SCYL1: variants seen among roughly 807,000 people sequenced by gnomAD.
The protein encoded by SCYL1 is SCY1 like pseudokinase 1.
SCYL1 carries 85 observed loss-of-function variants against 94.8 expected under a neutral mutation model. The ratio of observed to expected loss-of-function variants is 0.90; its 90% CI spans 0.75 to 1.07. SCYL1 has a LOEUF of 1.07. SCYL1 is among the 50% of genes least tolerant of loss of function. The pLI is 0.00. For synonymous variants in SCYL1, 459 were observed against 435.5 expected (o/e 1.05, Z -0.67); for missense variants, 968 against 1,083.3 (o/e 0.89, Z 1.49).
intron 6 of SCYL1, among the ~76,000 whole-genome samples, chr11:65,530,380 G>A (rs764618395): frequency 2.0e-5 from 3 of 152,182 alleles, no homozygotes; most frequent in Non-Finnish European, 2.9e-5. Flanking sequence ...AGCATCTGCC[G>A]TGTGCCAGCC....
chr11:65,525,342 G>T, intron 1 of SCYL1, 78 bp downstream of exon 1: 1 of 1,187,136 alleles, frequency 8.4e-7, no homozygotes, highest in African/African-American at 1.6e-5. Context: ...GTCGCGTTGC[G>T]CCCGGCCTGA....
At chr11:65,537,727 C>A in intron 14 of SCYL1, 82 bp from the exon 15 acceptor site, 1 of 1,224,834 alleles carries the variant, frequency 8.2e-7, no homozygotes, top group Non-Finnish European at 1.1e-6. Flanking sequence ...AGTGGTGGGG[C>A]CCGTGGCTGG....
Position 65,536,572 on chromosome 11 carries a change from A to G in SCYL1, c.1652-14A>G. Reference sequence around the variant, plus strand: ...ACGTGCCCATACCCACCTCTCTCTCATGCCACTGCCCAGAGAAGGATGTCC... The same window carrying G: ...ACGTGCCCATACCCACCTCTCTCTCGTGCCACTGCCCAGAGAAGGATGTCC... On this transcript the variant is annotated splice_polypyrimidine_tract_variant and intron_variant, in intron 12 of 17. Transcript: ENST00000270176. 2 of 1,613,682 alleles carry G rather than the reference A, an allele frequency of 1.2e-6. No individual in the cohort carries two copies. The highest frequency in any genetic ancestry group is 1.7e-6 in the Non-Finnish European group (2 of 1,179,816).
chr11:65,532,692 A>G lies in SCYL1; in HGVS notation c.1117A>G (p.Met373Val), dbSNP rs373503438. Residue 373 changes from methionine (M) to valine (V), a missense_variant and splice_region_variant, in exon 9 of 18, where the codon ATG becomes GTG. Around this residue, in one of 2 missense-constraint regions of SCYL1, gnomAD observed 494 missense variants for 619.7 expected, o/e 0.80. Transcript: ENST00000270176. Reference sequence around the variant, plus strand: ...TGACGCATCCCAACCTGGGCCACAGATGGAGCAGTTCATCCAGTACCTTGA... The same window carrying G: ...TGACGCATCCCAACCTGGGCCACAGGTGGAGCAGTTCATCCAGTACCTTGA... The part of the protein sequence containing the change: ...RAMRIRLLQQ[M>V]EQFIQYLDEP... 3 of 1,613,118 alleles carry G rather than the reference A, an allele frequency of 1.9e-6. No individual in the cohort carries two copies. Among genetic ancestry groups the G allele is most frequent in the African/African-American group, 2.7e-5 (2 of 74,920 alleles).
At chr11:65,534,042 C>T (rs1054691537) in intron 9 of SCYL1, among the ~76,000 whole-genome samples, 1 of 152,094 alleles carries the variant, frequency 6.6e-6, no homozygotes, top group East Asian at 1.9e-4. Flanking sequence ...TCCTGGCTAA[C>T]ATGGTGAAAC....
In SCYL1 at chr11:65,526,447, C is replaced by A. The variant is rs1045405465; in HGVS notation, c.602+97C>A. ...CTAGTTGGCACTCCCCTGTTCCCTG[C>A]TGCCTGGCTGGGGAGGGAATCAGTG... On this transcript the variant is annotated intron_variant, in intron 4 of 17. Transcript: ENST00000270176. This position sits in a 1 kb window ranked among gnomAD's most constrained non-coding sequence, Gnocchi z 4.1. 8.0e-6 allele frequency: 8 copies of A among 998,196 alleles called. No homozygotes were observed. Among genetic ancestry groups the A allele is most frequent in the African/African-American group, 3.3e-5 (2 of 61,098 alleles). 61.8% of individuals were successfully genotyped at this position (998,196 alleles called of 1,614,324 possible).
Position 65,526,082 on chromosome 11 carries a change from G to A in SCYL1, c.375+39G>A. 2 of 1,611,702 alleles carry A rather than the reference G, an allele frequency of 1.2e-6. No individual in the cohort carries two copies. The highest frequency in any genetic ancestry group is 1.7e-6 in the Non-Finnish European group (2 of 1,179,008). On this transcript the variant is annotated intron_variant, in intron 3 of 17. Coordinates refer to ENST00000270176, the MANE Select transcript of SCYL1 (RefSeq NM_020680.4). The surrounding 1 kb of genome is among the most constrained non-coding windows in gnomAD (Gnocchi z 4.1). ...CAGTGGTGATGAGAGCAGGGATGGG[G>A]GGTTGCAGGTGCTGGGGCGTGATGG... is the stretch of plus-strand genomic sequence containing the variant.
At chr11:65,535,499 C>A in intron 10 of SCYL1, 117 bp downstream of exon 10, 2 of 1,315,850 alleles carry the variant, frequency 1.5e-6, no homozygotes, top group African/African-American at 1.5e-5. Flanking sequence ...AGACCCTGCA[C>A]GCTGTTGGCC....
At chr11:65,531,780 C>A in intron 8 of SCYL1, 97 bp downstream of exon 8, 1 of 852,724 alleles carries the variant, frequency 1.2e-6, no homozygotes. Context: ...CCCCAGAAAC[C>A]CCACCCCTGA....
chr11:65,525,231 C>CGGGCCCT lies in SCYL1; in HGVS notation c.87_93dup (p.His32GlyfsTer20). 1.4e-6 allele frequency: 2 copies of CGGGCCCT among 1,455,738 alleles called. No individual in the cohort carries two copies. Among genetic ancestry groups the CGGGCCCT allele is most frequent in the Non-Finnish European group, 1.8e-6 (2 of 1,100,096 alleles). The allele number at this position is 1,455,738 out of a possible 1,614,324, so 90.2% of individuals were successfully genotyped here. On this transcript the variant is annotated frameshift_variant, in exon 1 of 18. Coordinates refer to ENST00000270176, the MANE Select transcript of SCYL1 (RefSeq NM_020680.4). LOFTEE classifies it high-confidence loss of function. ...CGGAGCCCCCAGAGGGCGGCCTGCC[C>CGGGCCCT]GGGCCCTGGGCCCTGCACCGCGGCC...
intron 9 of SCYL1, 42 bp from the exon 10 acceptor site, chr11:65,535,185 G>T: frequency 6.2e-7 from 1 of 1,603,138 alleles, no homozygotes; most frequent in Non-Finnish European, 8.5e-7. Flanking sequence ...AAGGCCCTTT[G>T]CCCGCCACAG....
chr11:65,536,084 G>C lies in SCYL1; in HGVS notation c.1518G>C (p.Lys506Asn). The change falls in exon 11 of 18, where the codon AAG becomes AAC. Residue 506 changes from lysine to asparagine, a missense_variant. This residue lies in a region of SCYL1 where 474 missense variants were observed against 463.6 expected (regional missense o/e 1.02). Transcript: ENST00000270176. Reference sequence around the variant, plus strand: ...ACTCAATGAACGACTGTGCCCAGAAGATCCTGCCTGTGCTCTGCGGTCTCA... The same window carrying C: ...ACTCAATGAACGACTGTGCCCAGAACATCCTGCCTGTGCTCTGCGGTCTCA... ...NLYSMNDCAQ[K>N]ILPVLCGLTV... 2.5e-6 allele frequency: 4 copies of C among 1,614,238 alleles called. No individual in the cohort carries two copies. Among genetic ancestry groups the C allele is most frequent in the Non-Finnish European group, 3.4e-6 (4 of 1,180,028 alleles).
chr11:65,526,219 TG>T lies in SCYL1; in HGVS notation c.476del (p.Gly159AlafsTer110), dbSNP rs1384106579. The T allele has an allele frequency of 1.2e-6, 2 of 1,613,290 alleles. No individual in the cohort carries two copies. Among genetic ancestry groups the T allele is most frequent in the Non-Finnish European group, 1.7e-6 (2 of 1,179,976 alleles). On this transcript the variant is annotated frameshift_variant, in exon 4 of 18. Transcript: ENST00000270176. LOFTEE classifies it high-confidence loss of function. This position sits in a 1 kb window ranked among gnomAD's most constrained non-coding sequence, Gnocchi z 4.1. ...FVDRAGEWKL[G>X]GLDYMYSAQG... is the part of the protein sequence containing the mutation. ...TGGACCGAGCTGGCGAGTGGAAGCTTGGGGGCCTGGACTACATGTATTCGGC... is the reference window on the plus strand; with the variant it reads ...TGGACCGAGCTGGCGAGTGGAAGCTTGGGGCCTGGACTACATGTATTCGGC...
At chr11:65,528,667 G>A (rs1309163754) in intron 6 of SCYL1, among the ~76,000 whole-genome samples, 2 of 151,328 alleles carry the variant, frequency 1.3e-5, no homozygotes, top group Non-Finnish European at 2.9e-5. Flanking sequence ...GGCTGAGGCG[G>A]GAGAATAGCT....
chr11:65,537,749 G>C (rs1855757159), intron 14 of SCYL1, 60 bp from the exon 15 acceptor site: 1 of 1,410,306 alleles, frequency 7.1e-7, no homozygotes, highest in Non-Finnish European at 9.5e-7. Context: ...ATGATGCTGG[G>C]GCGGGCTCAC....
chr11:65,531,460 C>T (rs544871241), intron 7 of SCYL1, 116 bp from the exon 8 acceptor site: 4 of 736,042 alleles, frequency 5.4e-6, no homozygotes, highest in Non-Finnish European at 9.5e-6. Flanking sequence ...ATGCCTGCCC[C>T]CCCCTCCGCC....
At position 65,537,830 on chromosome 11, in the gene SCYL1, G is replaced by T; in HGVS notation, c.1981G>T (p.Ala661Ser). ...SLEQEAESVLAQQDDWSTGGQ... is the reference protein window; with the variant it reads ...SLEQEAESVLSQQDDWSTGGQ... ...GCAGCAGGAGGCCGAGTCTGTGCTG[G>T]CCCAGCAGGACGACTGGAGCACCGG... The change falls in exon 15 of 18, where the codon GCC (alanine) becomes TCC (serine). Residue 661 changes from alanine to serine, a missense_variant. Coordinates refer to ENST00000270176, the MANE Select transcript of SCYL1 (RefSeq NM_020680.4). The T allele has an allele frequency of 1.3e-6, 2 of 1,570,092 alleles. No individual in the cohort carries two copies.
intron 9 of SCYL1, among the ~76,000 whole-genome samples, chr11:65,534,278 G>A (rs1395827885): frequency 1.3e-5 from 2 of 152,098 alleles, no homozygotes; most frequent in Non-Finnish European, 2.9e-5. Context: ...CAGGCATGGT[G>A]GTGGGCGCCT....
Position 65,525,966 on chromosome 11 carries a change from G to A in SCYL1, c.298G>A (p.Gly100Arg). 1 of 1,613,646 alleles carries A rather than the reference G, an allele frequency of 6.2e-7. No individual in the cohort carries two copies. The highest frequency in any genetic ancestry group is 1.1e-5 in the South Asian group (1 of 91,080). ...HVVTEAVTPL[G>R]IYLKARVEAG... ...CGTGACAGAGGCTGTGACCCCGTTGGGAATATACCTCAAGGCGAGAGTGGA... is the reference window on the plus strand; with the variant it reads ...CGTGACAGAGGCTGTGACCCCGTTGAGAATATACCTCAAGGCGAGAGTGGA... Residue 100 changes from glycine (G) to arginine (R), a missense_variant, in exon 3 of 18, where the codon GGA becomes AGA. Physicochemically the swap from Gly to Arg is moderately radical, Grantham distance 125. Around this residue, in one of 2 missense-constraint regions of SCYL1, gnomAD observed 494 missense variants for 619.7 expected, o/e 0.80. Coordinates refer to ENST00000270176, the MANE Select transcript of SCYL1 (RefSeq NM_020680.4).
Sources: allele counts gnomAD v4.1 joint callset (sites outside exome capture counted in the v4.1 genomes callset), GRCh38; gene constraint gnomAD v4.1.1; regional missense constraint gnomAD v4.1.1; non-coding constraint Gnocchi (gnomAD v3.1); transcripts MANE v1.5; gene names NCBI Gene and HGNC (gene_info 2026-07-23, HGNC 2026-07-21).